The following SMG5 variants were observed in gnomAD, a reference collection of about 807,000 sequenced individuals.
SMG5 encodes the protein SMG5 nonsense mediated mRNA decay factor.
SMG5 carries 53 observed loss-of-function variants against 122.9 expected under a neutral mutation model. The observed-to-expected ratio is 0.43, with a 90% confidence interval of 0.35 to 0.54. SMG5 has a LOEUF of 0.54. SMG5 is among the 20% of genes least tolerant of loss of function. SMG5 has a pLI of 0.01. For missense variants in SMG5, 1,153 were observed against 1,285.6 expected (o/e 0.90, Z 1.58); for synonymous variants, 477 against 490.2 (o/e 0.97, Z 0.35).
At chr1:156,287,198 C>T (rs956903824), upstream of SMG5, among the ~76,000 whole-genome samples, 3 of 151,756 alleles carry the variant, frequency 2.0e-5, no homozygotes, top group Non-Finnish European at 4.4e-5. Flanking sequence ...GGGTGGATCA[C>T]AATGTCAGGA....
In SMG5 at chr1:156,249,730, T is replaced by C. The variant is rs1486915295; in HGVS notation, c.*857A>G. ...GCCCTCCCTTAGATAGGAAGGGGGG[T>C]GGTGGCCTCAGACTGCACCCCCTTT... On this transcript the variant is annotated 3_prime_UTR_variant, in exon 22 of 22. Transcript: ENST00000361813. 1 of 468,376 alleles carries C rather than the reference T, an allele frequency of 2.1e-6. No homozygotes were observed. The highest frequency in any genetic ancestry group is 7.0e-5 in the East Asian group (1 of 14,382). The allele number at this position is 468,376 out of a possible 1,614,324, so 29.0% of individuals were successfully genotyped here.
At chr1:156,283,000 G>T, upstream of SMG5, 1 of 508,188 alleles carries the variant, frequency 2.0e-6, no homozygotes, top group Non-Finnish European at 3.5e-6. Context: ...AACTTTATTG[G>T]CAAAGCTATC....
At chr1:156,282,470 C>A in intron 1 of SMG5, 137 bp downstream of exon 1, 1 of 877,624 alleles carries the variant, frequency 1.1e-6, no homozygotes, top group Non-Finnish European at 1.7e-6. Flanking sequence ...GGGACCCCGC[C>A]CCGCCTCCAA....
the SMG5 span, among the ~76,000 whole-genome samples, chr1:156,289,875 C>T: frequency 2.0e-4 from 30 of 152,326 alleles, no homozygotes; most frequent in East Asian, 5.2e-3. Flanking sequence ...CTGACCCATC[C>T]TCTGGGCTTC....
Position 156,265,787 on chromosome 1 carries a change from C to T in SMG5, c.1849G>A (p.Glu617Lys). The change falls in exon 12 of 22, where the codon GAG becomes AAG. Residue 617 changes from glutamate (E) to lysine (K), a missense_variant. Transcript: ENST00000361813. ...GATGAAGTGGTCCAAATACCTGGCT[C>T]TGAAGGCTTGTCTACATCCCCATTG... is the stretch of plus-strand genomic sequence containing the variant. ...CVNGDVDKPS[E>K]PASEEGSESE... is the part of the protein sequence containing the mutation. 1.2e-6 allele frequency: 2 copies of T among 1,613,352 alleles called. No homozygotes were observed. The highest frequency in any genetic ancestry group is 1.7e-6 in the Non-Finnish European group (2 of 1,179,534).
At chr1:156,267,368 G>T in intron 10 of SMG5, 102 bp downstream of exon 10, 3 of 1,188,998 alleles carry the variant, frequency 2.5e-6, no homozygotes, top group Non-Finnish European at 3.6e-6. Flanking sequence ...GGAGTGAAGA[G>T]GCTGCTTGTG....
rs551872694 is a variant in SMG5 at position 156,250,093 on chromosome 1, T to C, written c.*494A>G. 35 of 380,074 alleles carry C rather than the reference T, an allele frequency of 9.2e-5. No individual in the cohort carries two copies. Among genetic ancestry groups the C allele is most frequent in the Non-Finnish European group, 4.8e-5 (9 of 185,738 alleles). The allele number at this position is 380,074 out of a possible 1,614,324, so 23.5% of individuals were successfully genotyped here. A position where few individuals can be genotyped will look rare whatever the true frequency, so the allele number is the denominator to read the frequency against. On this transcript the variant is annotated 3_prime_UTR_variant, in exon 22 of 22. Coordinates refer to ENST00000361813, the MANE Select transcript of SMG5 (RefSeq NM_015327.3). ...TAAAGGGGGCTGAAAGGAGGATGGG[T>C]GATCCTTGAGGAGGGGAAGGGTCTG...
chr1:156,288,432 T>C, the SMG5 span, among the ~76,000 whole-genome samples: 1 of 151,754 alleles, frequency 6.6e-6, no homozygotes, highest in African/African-American at 2.4e-5. Context: ...GTCTCCAGGC[T>C]CAAGCAGTTT....
At chr1:156,261,555 A>T in intron 13 of SMG5, 147 bp from the exon 14 acceptor site, 1 of 678,176 alleles carries the variant, frequency 1.5e-6, no homozygotes, top group Non-Finnish European at 2.5e-6. Context: ...AGAAGCCTGG[A>T]CAACAAGGCA....
At chr1:156,253,210 T>C (rs1661431182) in intron 17 of SMG5, 132 bp from the exon 18 acceptor site, 2 of 1,097,948 alleles carry the variant, frequency 1.8e-6, no homozygotes, top group South Asian at 1.6e-5. Flanking sequence ...TCTCTACCAA[T>C]GGCTTTGGGG....
chr1:156,291,187 G>A, the SMG5 span: 1 of 573,644 alleles, frequency 1.7e-6, no homozygotes, highest in East Asian at 2.8e-5. Flanking sequence ...ATGTGGGGAA[G>A]TCAAATCAAT....
In SMG5 at chr1:156,279,012, G is replaced by A. The variant is rs1272029200; in HGVS notation, c.97C>T (p.Arg33Ter). 1.9e-6 allele frequency: 3 copies of A among 1,614,022 alleles called. No homozygotes were observed. Among genetic ancestry groups the A allele is most frequent in the Non-Finnish European group, 2.5e-6 (3 of 1,180,028 alleles). ...LYRAVVEAVH[R>*]LDLILCNKTA... ...TTGTTGCAAAGGATGAGGTCAAGTC[G>A]ATGCACAGCCTCCACCACAGCCCTG... The change falls in exon 2 of 22, where the codon CGA becomes TGA. Residue 33 changes from arginine to a stop codon, truncating the protein, a stop_gained. Transcript: ENST00000361813. LOFTEE classifies it high-confidence loss of function.
At position 156,274,689 on chromosome 1, in the gene SMG5, AT is replaced by A; in HGVS notation, c.455-4del. 1 of 1,613,200 alleles carries A rather than the reference AT, an allele frequency of 6.2e-7. No homozygotes were observed. The highest frequency in any genetic ancestry group is 2.2e-5 in the East Asian group (1 of 44,858). ...GGCAGACACTGGCTTCTTGCATCCT[AT>A]GAGACAAAGAGAAAGAGATTTGTAG... On this transcript the variant is annotated splice_region_variant and splice_polypyrimidine_tract_variant and intron_variant, in intron 4 of 21. Coordinates refer to ENST00000361813, the MANE Select transcript of SMG5 (RefSeq NM_015327.3).
upstream of SMG5, among the ~76,000 whole-genome samples, chr1:156,287,779 G>A (rs1663211180): frequency 6.6e-6 from 1 of 151,904 alleles, no homozygotes; most frequent in Admixed American, 6.5e-5. Context: ...ACCAGGCCCA[G>A]CTAACTTTTT....
the SMG5 span, chr1:156,291,038 T>C: frequency 3.9e-6 from 1 of 256,868 alleles, no homozygotes; most frequent in Non-Finnish European, 7.6e-6. Context: ...TACTCAGGAG[T>C]CTGAGGTGAG....
chr1:156,288,680 A>G, the SMG5 span, among the ~76,000 whole-genome samples: 2 of 152,172 alleles, frequency 1.3e-5, 1 homozygote, highest in South Asian at 4.1e-4. Context: ...TAGCTCGCTA[A>G]AATAAAATAT....
chr1:156,271,580 T>TG lies in SMG5; in HGVS notation c.713+739_713+740insC, dbSNP rs1558242881. Among the ~76,000 whole-genome samples, 51 of 144,520 alleles carry TG rather than the reference T, an allele frequency of 3.5e-4. No individual in the cohort carries two copies. The South Asian group carries it at 0.011, about 33-fold the overall frequency. The allele number at this position is 144,520 out of a possible 152,430, so 94.8% of individuals were successfully genotyped here. A position where few individuals can be genotyped will look rare whatever the true frequency, so the allele number is the denominator to read the frequency against. ...GCCCTGAAGAGGTTTTTTTTTTTTTTTTTTTTTTTTTGAGATGGAGTCTTG... is the reference window on the plus strand; with the variant it reads ...GCCCTGAAGAGGTTTTTTTTTTTTTTGTTTTTTTTTTTGAGATGGAGTCTTG... On this transcript the variant is annotated intron_variant, in intron 7 of 21. Transcript: ENST00000361813.
In SMG5 at chr1:156,280,781, A is replaced by G. The variant is rs557637880; in HGVS notation, c.75-1747T>C. ...TTTTTCTCATTTTCCATCAGATCAT[A>G]AGCTCCTCCACTAAACTATAATCTC... On this transcript the variant is annotated intron_variant, in intron 1 of 21. Coordinates refer to ENST00000361813, the MANE Select transcript of SMG5 (RefSeq NM_015327.3). Among the ~76,000 whole-genome samples, 25 of 152,306 alleles carry G rather than the reference A, an allele frequency of 1.6e-4. No homozygotes were observed. The South Asian group carries it at 3.3e-3, about 20-fold the overall frequency.
At chr1:156,285,251 C>A, upstream of SMG5, 1 of 1,548,714 alleles carries the variant, frequency 6.5e-7, no homozygotes, top group Non-Finnish European at 8.7e-7. Context: ...GACCCTGGCC[C>A]TACTGGAAGT....
Sources: allele counts gnomAD v4.1 joint callset (sites outside exome capture counted in the v4.1 genomes callset), GRCh38; gene constraint gnomAD v4.1.1; transcripts MANE v1.5; gene names NCBI Gene and HGNC (gene_info 2026-07-23, HGNC 2026-07-21).